The following UBE4A variants were observed in gnomAD, a reference collection of about 807,000 sequenced individuals.
UBE4A encodes ubiquitin conjugation factor E4 A.
A neutral mutation model predicts 117.9 loss-of-function variants in UBE4A; 48 were observed. The ratio of observed to expected loss-of-function variants is 0.41; its 90% CI spans 0.32 to 0.52. UBE4A has a LOEUF of 0.52. UBE4A is among the 20% of genes least tolerant of loss of function. UBE4A has a pLI of 0.33. For synonymous variants in UBE4A, 407 were observed against 450.0 expected, an observed-to-expected ratio of 0.90 and a Z score of 1.21; for missense variants, 1,067 against 1,296.3, an observed-to-expected ratio of 0.82 and a Z score of 2.72.
chr11:118,360,986 A>ATGTGTG (rs10624453), intron 1 of UBE4A, among the ~76,000 whole-genome samples: 59 of 140,918 alleles, frequency 4.2e-4, no homozygotes, highest in South Asian at 2.1e-3. Flanking sequence ...GTATGTATAT[A>ATGTGTG]TGTGTGTGTG....
At chr11:118,392,685 T>A in intron 18 of UBE4A, 53 bp from the exon 19 acceptor site, 2 of 1,567,632 alleles carry the variant, frequency 1.3e-6, no homozygotes, top group Non-Finnish European at 1.7e-6. Flanking sequence ...TTGAGCACGC[T>A]GAATTCAGCT....
intron 2 of UBE4A, among the ~76,000 whole-genome samples, chr11:118,367,246 TAA>T (rs201188460): frequency 7.3e-6 from 1 of 136,950 alleles, no homozygotes; most frequent in Non-Finnish European, 1.6e-5. Flanking sequence ...GACAGAAGTT[TAA>T]AAAAAAAAAA....
intron 4 of UBE4A, among the ~76,000 whole-genome samples, chr11:118,370,869 A>G (rs866759645): frequency 2.2e-4 from 34 of 152,268 alleles, no homozygotes; most frequent in South Asian, 8.3e-4. Context: ...GTCCATTCCT[A>G]TGAGAATTAA....
chr11:118,368,528 C>T (rs933135253), intron 2 of UBE4A, 103 bp from the exon 3 acceptor site: 9 of 1,301,396 alleles, frequency 6.9e-6, no homozygotes, highest in Admixed American at 6.0e-5. Flanking sequence ...GCTTGTTTTA[C>T]ATCTGAAATT....
chr11:118,382,343 A>G (rs1425396428), intron 12 of UBE4A, among the ~76,000 whole-genome samples: 1 of 151,878 alleles, frequency 6.6e-6, no homozygotes, highest in Non-Finnish European at 1.5e-5. Flanking sequence ...ATTCAATAGA[A>G]ACTTAAGTGC....
At chr11:118,390,016 T>G in intron 17 of UBE4A, 111 bp downstream of exon 17, 1 of 1,162,596 alleles carries the variant, frequency 8.6e-7, no homozygotes, top group Non-Finnish European at 1.2e-6. Flanking sequence ...AAATGGTTAA[T>G]TCCTAGTTGC....
chr11:118,392,723 ATGT>A lies in UBE4A; in HGVS notation c.2917-11_2917-9del. ...ACTGTGAATTCACTTTAACTACCAG[ATGT>A]TGTATACTCAGTCTCTTGCAGACCT... On this transcript the variant is annotated splice_polypyrimidine_tract_variant and intron_variant, in intron 18 of 19. Coordinates refer to ENST00000252108, the MANE Select transcript of UBE4A (RefSeq NM_001204077.2). 4 of 1,611,508 alleles carry A rather than the reference ATGT, an allele frequency of 2.5e-6. No homozygotes were observed. The highest frequency in any genetic ancestry group is 3.4e-6 in the Non-Finnish European group (4 of 1,178,782).
intron 19 of UBE4A, among the ~76,000 whole-genome samples, chr11:118,394,968 A>G (rs1948856163): frequency 6.6e-6 from 1 of 152,038 alleles, no homozygotes; most frequent in African/African-American, 2.4e-5. Context: ...CACCGTCTCT[A>G]AATAAACAGA....
rs1555125899 is a variant in UBE4A, at chr11:118,379,439, G to A, written c.1572-7G>A. On this transcript the variant is annotated splice_polypyrimidine_tract_variant and splice_region_variant and intron_variant, in intron 10 of 19. Coordinates refer to ENST00000252108, the MANE Select transcript of UBE4A (RefSeq NM_001204077.2). ...TGACCCAGTCTCTTCTGCTTTCTTG[G>A]GGGCAGGTTGCATGATCAGATGGTA... is the stretch of plus-strand genomic sequence containing the variant. The A allele has an allele frequency of 1.2e-6, 2 of 1,609,478 alleles. No individual in the cohort carries two copies. Among genetic ancestry groups the A allele is most frequent in the East Asian group, 2.2e-5 (1 of 44,794 alleles).
chr11:118,368,504 T>G (rs1948582888), intron 2 of UBE4A, 127 bp from the exon 3 acceptor site: 7 of 1,088,986 alleles, frequency 6.4e-6, no homozygotes, highest in Admixed American at 2.2e-5. Context: ...AGATGTTCAC[T>G]AATTAGATGA....
At chr11:118,383,967 T>G (rs1173493085) in intron 13 of UBE4A, among the ~76,000 whole-genome samples, 8 of 152,222 alleles carry the variant, frequency 5.3e-5, no homozygotes, top group Non-Finnish European at 1.2e-4. Flanking sequence ...TATGTGACCA[T>G]ACAACCAAAG....
rs752363475 is a variant in UBE4A, at chr11:118,373,698, A to G, written c.1116+13A>G. On this transcript the variant is annotated intron_variant, in intron 8 of 19. Coordinates refer to ENST00000252108, the MANE Select transcript of UBE4A (RefSeq NM_001204077.2). ...CAACATCCATCAGGTGGAACTGTTT[A>G]CCAGGGTATCCCAGCCCCCTGATCT... 3 of 1,610,384 alleles carry G rather than the reference A, an allele frequency of 1.9e-6. 1 individual carries two copies. The highest frequency in any genetic ancestry group is 2.2e-5 in the South Asian group (2 of 90,412).
intron 9 of UBE4A, 121 bp downstream of exon 9, chr11:118,375,350 C>A: frequency 9.5e-7 from 1 of 1,047,676 alleles, no homozygotes; most frequent in Non-Finnish European, 1.3e-6. Context: ...CAGAAACGAG[C>A]TATTTCGATT....
intron 1 of UBE4A, among the ~76,000 whole-genome samples, chr11:118,364,003 T>C (rs1437212150): frequency 6.6e-6 from 1 of 152,104 alleles, no homozygotes; most frequent in Non-Finnish European, 1.5e-5. Flanking sequence ...TTTCTTCCTT[T>C]ATACCCCTAC....
chr11:118,374,534 C>T (rs1007428480), intron 8 of UBE4A, among the ~76,000 whole-genome samples: 5 of 152,194 alleles, frequency 3.3e-5, no homozygotes, highest in African/African-American at 7.2e-5. Flanking sequence ...CATAGCCATG[C>T]GCATTAGTAT....
At chr11:118,393,850 C>T (rs1948843007) in intron 19 of UBE4A, among the ~76,000 whole-genome samples, 1 of 152,206 alleles carries the variant, frequency 6.6e-6, no homozygotes, top group Non-Finnish European at 1.5e-5. Context: ...CCCACCTCAG[C>T]CTCCCAAAGT....
chr11:118,368,935 T>C, intron 3 of UBE4A, 131 bp downstream of exon 3: 1 of 930,824 alleles, frequency 1.1e-6, no homozygotes, highest in East Asian at 2.5e-5. Flanking sequence ...AACTCAGGGT[T>C]TATATTTCAG....
Position 118,379,759 on chromosome 11 carries a change from G to A in UBE4A, c.1876+9G>A. ...TTTGGCTTATGTGCCAGGTAAGCAGGCTCTCCCTTGGGAATGTCCTGTTTA... is the reference window on the plus strand; with the variant it reads ...TTTGGCTTATGTGCCAGGTAAGCAGACTCTCCCTTGGGAATGTCCTGTTTA... On this transcript the variant is annotated intron_variant, in intron 11 of 19. Coordinates refer to ENST00000252108, the MANE Select transcript of UBE4A (RefSeq NM_001204077.2). 1 of 1,604,170 alleles carries A rather than the reference G, an allele frequency of 6.2e-7. No individual in the cohort carries two copies. The highest frequency in any genetic ancestry group is 8.5e-7 in the Non-Finnish European group (1 of 1,171,866).
chr11:118,392,700 T>C, intron 18 of UBE4A, 38 bp from the exon 19 acceptor site: 2 of 1,595,486 alleles, frequency 1.3e-6, no homozygotes, highest in Non-Finnish European at 1.7e-6. Flanking sequence ...TCAGCTACAC[T>C]GTGAATTCAC....
Sources: gnomAD v4.1 joint callset for allele counts (sites outside exome capture counted in the v4.1 genomes callset) on GRCh38, gnomAD v4.1.1 for gene constraint, MANE v1.5 for transcripts, NCBI Gene and HGNC (gene_info 2026-07-23, HGNC 2026-07-21) for gene names.